The following PTPN3 variants were observed in gnomAD, a reference collection of about 807,000 sequenced individuals.
PTPN3 encodes the protein tyrosine-protein phosphatase non-receptor type 3.
A neutral mutation model predicts 132.7 loss-of-function variants in PTPN3; 96 were observed. The observed-to-expected ratio is 0.72, with a 90% CI of 0.61 to 0.86. The LOEUF is 0.86. Ranked by LOEUF, PTPN3 falls within the 40% of genes least tolerant of loss-of-function variation. PTPN3 has a pLI of 0.00. For missense variants in PTPN3, 1,125 were observed against 1,159.6 expected (o/e 0.97, Z 0.43); for synonymous variants, 398 against 429.0 (o/e 0.93, Z 0.89).
At chr9:109,457,127 T>C (rs763017486) in intron 4 of PTPN3, 46 bp downstream of exon 4, 1 of 1,587,538 alleles carries the variant, frequency 6.3e-7, no homozygotes. Context: ...CAGGCTGTGA[T>C]ACACTAACAC....
intron 5 of PTPN3, among the ~76,000 whole-genome samples, chr9:109,451,849 A>C (rs1415061179): frequency 6.6e-6 from 1 of 152,164 alleles, no homozygotes; most frequent in Non-Finnish European, 1.5e-5. Context: ...CTGGGGCTCT[A>C]GTGTTATGGG....
Position 109,427,037 on chromosome 9 carries a change from T to C in PTPN3, c.914A>G (p.His305Arg). The C allele has an allele frequency of 1.9e-6, 3 of 1,613,902 alleles. No homozygotes were observed. Among genetic ancestry groups the C allele is most frequent in the South Asian group, 1.1e-5 (1 of 91,084 alleles). ...KNLWKSCVEH[H>R]TFFQAKKLLP... is the part of the protein sequence containing the mutation. The stretch of plus-strand genomic sequence containing the variant: ...TAGCTTCTTTGCCTGAAAGAACGTA[T>C]GGTGCTCAACACAGGATTTCCACAA... The change falls in exon 12 of 26, where the codon CAT becomes CGT. Residue 305 changes from histidine (H) to arginine (R), a missense_variant. Physicochemically the swap from His to Arg is conservative, Grantham distance 29. Transcript: ENST00000374541.
chr9:109,428,705 C>A, intron 10 of PTPN3, 21 bp from the exon 11 acceptor site: 1 of 1,608,700 alleles, frequency 6.2e-7, no homozygotes, highest in South Asian at 1.1e-5. Flanking sequence ...TAAAACAAAA[C>A]ACAAACAAAG....
chr9:109,409,817 CA>C (rs992350538), intron 16 of PTPN3, among the ~76,000 whole-genome samples, 181 bp downstream of exon 16: 2 of 151,032 alleles, frequency 1.3e-5, no homozygotes, highest in African/African-American at 2.4e-5. Context: ...TAAAAAAAAA[CA>C]AAAAAAACCC....
At chr9:109,442,595 T>C in intron 7 of PTPN3, among the ~76,000 whole-genome samples, 1 of 152,236 alleles carries the variant, frequency 6.6e-6, no homozygotes, top group East Asian at 1.9e-4. Context: ...ATTCTTTATT[T>C]GCTTTTTAAA....
At chr9:109,438,992 A>T (rs1342413485) in intron 7 of PTPN3, among the ~76,000 whole-genome samples, 2 of 152,228 alleles carry the variant, frequency 1.3e-5, no homozygotes. Flanking sequence ...CTTCCAGACT[A>T]GCCCCTGGGC....
At chr9:109,413,219 G>C (rs567287387) in intron 14 of PTPN3, among the ~76,000 whole-genome samples, 61 of 152,070 alleles carry the variant, frequency 4.0e-4, no homozygotes, top group African/African-American at 1.4e-3. Context: ...CTCCCAAAGT[G>C]CTGGGATTAC....
At chr9:109,460,603 C>A (rs972410687) in intron 2 of PTPN3, among the ~76,000 whole-genome samples, 1 of 152,174 alleles carries the variant, frequency 6.6e-6, no homozygotes, top group Admixed American at 6.5e-5. Context: ...AGCCTCAGGG[C>A]CTTTGCACTG....
At chr9:109,410,581 C>A (rs565818283) in intron 14 of PTPN3, among the ~76,000 whole-genome samples, 166 bp from the exon 15 acceptor site, 1 of 152,156 alleles carries the variant, frequency 6.6e-6, no homozygotes, top group South Asian at 2.1e-4. Flanking sequence ...CACTGACCAC[C>A]CCTGACCGCA....
intron 1 of PTPN3, among the ~76,000 whole-genome samples, chr9:109,476,045 C>G (rs910155346): frequency 1.3e-5 from 2 of 152,154 alleles, no homozygotes; most frequent in African/African-American, 2.4e-5. Flanking sequence ...TTCTCTGGCT[C>G]GGTTTCCCAG....
Position 109,393,426 on chromosome 9 carries a change from C to A in PTPN3, c.1954-1865G>T, listed in dbSNP as rs144383017. On this transcript the variant is annotated intron_variant, in intron 19 of 25. Coordinates refer to ENST00000374541, the MANE Select transcript of PTPN3 (RefSeq NM_002829.4). ...TTTGAGATGGAGCTTCACTCTTTCA[C>A]CCAGGCTGGAGTGAAGTGGTGCGAT... 1.6e-3 allele frequency among the ~76,000 whole-genome samples: 226 copies of A among 144,812 alleles called. 1 individual carries two copies. The highest frequency in any genetic ancestry group is 5.7e-3 in the African/African-American group (220 of 38,588).
intron 14 of PTPN3, among the ~76,000 whole-genome samples, chr9:109,415,081 T>TCCATCCAA (rs1331913505): frequency 1.7e-5 from 1 of 57,620 alleles, no homozygotes; most frequent in Non-Finnish European, 4.3e-5. Flanking sequence ...CATCCAACCA[T>TCCATCCAA]CCATCCATCC....
chr9:109,459,983 C>A (rs888052218), intron 2 of PTPN3, among the ~76,000 whole-genome samples: 2 of 152,086 alleles, frequency 1.3e-5, no homozygotes, highest in African/African-American at 4.8e-5. Flanking sequence ...CTGGTGACAT[C>A]CACATCTGTA....
At chr9:109,468,658 G>A (rs376020986) in intron 1 of PTPN3, among the ~76,000 whole-genome samples, 14 of 152,298 alleles carry the variant, frequency 9.2e-5, no homozygotes, top group African/African-American at 2.6e-4. Flanking sequence ...GAGCCACCGC[G>A]CCCGGCTGTG....
the PTPN3 span, among the ~76,000 whole-genome samples, chr9:109,529,192 A>T: frequency 6.6e-6 from 1 of 152,182 alleles, no homozygotes; most frequent in African/African-American, 2.4e-5. Flanking sequence ...CTCATGACAC[A>T]TGAAGGAGGG....
At chr9:109,513,558 G>T in the PTPN3 span, among the ~76,000 whole-genome samples, 6 of 152,238 alleles carry the variant, frequency 3.9e-5, no homozygotes, top group Admixed American at 1.3e-4. Flanking sequence ...TCATCCCCAG[G>T]TCTCTAATCC....
In PTPN3 at chr9:109,463,299, T is replaced by C. The variant is rs767630494; in HGVS notation, c.136A>G (p.Thr46Ala). Residue 46 changes from threonine to alanine, a missense_variant and splice_region_variant, in exon 2 of 26, where the codon ACT becomes GCT. Thr to Ala is a moderately conservative substitution (Grantham distance 58). Transcript: ENST00000374541. ...LDGVVQTFKV[T>A]KQDTGQVLLD... is the part of the protein sequence containing the mutation. The stretch of plus-strand genomic sequence containing the variant: ...AAAAAAAAAAGTAGAGAACTTACAG[T>C]AACTTTAAAGGTCTGTACCACGCCA... 1.2e-5 allele frequency: 18 copies of C among 1,564,952 alleles called. No individual in the cohort carries two copies. The highest frequency in any genetic ancestry group is 1.5e-5 in the Non-Finnish European group (18 of 1,161,434).
the PTPN3 span, among the ~76,000 whole-genome samples, chr9:109,535,354 A>G: frequency 2.0e-5 from 3 of 152,140 alleles, no homozygotes; most frequent in African/African-American, 7.2e-5. Context: ...TTCAGTGTAA[A>G]ATATAGACCT....
intron 8 of PTPN3, among the ~76,000 whole-genome samples, chr9:109,437,616 G>C (rs946759142): frequency 4.6e-5 from 7 of 152,168 alleles, no homozygotes; most frequent in Non-Finnish European, 7.3e-5. Flanking sequence ...TTGGAGCTGA[G>C]GCTCGCAACA....
Sources: allele counts gnomAD v4.1 joint callset (sites outside exome capture counted in the v4.1 genomes callset), GRCh38; gene constraint gnomAD v4.1.1; transcripts MANE v1.5; gene names NCBI Gene and HGNC (gene_info 2026-07-23, HGNC 2026-07-21).